PAK2: variants seen among roughly 807,000 people sequenced by gnomAD.
The protein encoded by PAK2 is serine/threonine-protein kinase PAK 2.
A neutral mutation model predicts 65.9 loss-of-function variants in PAK2; 21 were observed. That is an observed-to-expected ratio of 0.32 (90% confidence interval 0.23 to 0.46). The LOEUF is 0.46. Ranked by LOEUF, PAK2 falls within the 20% of genes least tolerant of loss-of-function variation. The pLI, the probability that PAK2 is intolerant of heterozygous loss-of-function variation, is 1.00. For synonymous variants in PAK2, 204 were observed against 219.7 expected (o/e 0.93, Z 0.63); for missense variants, 324 against 642.6 (o/e 0.50, Z 5.36).
intron 13 of PAK2, among the ~76,000 whole-genome samples, chr3:196,825,805 A>G (rs536228862): frequency 6.6e-6 from 1 of 152,262 alleles, no homozygotes; most frequent in East Asian, 1.9e-4. Context: ...TTATAGATCT[A>G]GGTAGTTATT....
intron 11 of PAK2, among the ~76,000 whole-genome samples, chr3:196,816,252 C>A (rs1241455419): frequency 3.3e-5 from 5 of 152,030 alleles, no homozygotes; most frequent in Admixed American, 3.3e-4. Flanking sequence ...TTTCCCTTTT[C>A]CATCTGTCAT....
At chr3:196,780,231 C>T (rs1025450590) in intron 1 of PAK2, among the ~76,000 whole-genome samples, 1 of 152,214 alleles carries the variant, frequency 6.6e-6, no homozygotes, top group African/African-American at 2.4e-5. Flanking sequence ...CTTTTTCACT[C>T]CCTTTTCCCA....
Position 196,810,492 on chromosome 3 carries a change from TTA to T in PAK2, c.710-95_710-94del. The T allele has an allele frequency of 8.1e-6, 6 of 736,284 alleles. 1 individual carries two copies. The South Asian group carries it at 9.3e-5, about 11-fold the overall frequency. The allele number at this position is 736,284 out of a possible 1,614,324, so 45.6% of individuals were successfully genotyped here. A position where few individuals can be genotyped will look rare whatever the true frequency, so the allele number is the denominator to read the frequency against. On this transcript the variant is annotated intron_variant, in intron 7 of 14. Transcript: ENST00000327134. ...ACTTAGTATTATGTTTGAAAATCACTTATAAAAACAGTGGAGTTCATTAAAAG... is the reference window on the plus strand; with the variant it reads ...ACTTAGTATTATGTTTGAAAATCACTTAAAAACAGTGGAGTTCATTAAAAG...
At position 196,773,868 on chromosome 3, in the gene PAK2, A is replaced by G. The variant is rs148011002; in HGVS notation, c.-21-8758A>G. On this transcript the variant is annotated intron_variant, in intron 1 of 14. Transcript: ENST00000327134. ...GCCTGGGCGACAGAATCTCAAAAAA[A>G]AGCAAAACAAAACAACAAATTCAAT... Among the ~76,000 whole-genome samples the G allele has an allele frequency of 3.1e-4, 47 of 151,218 alleles. 1 individual carries two copies. In the East Asian group the frequency reaches 6.8e-3, roughly 22 times the overall value.
chr3:196,765,230 C>T (rs571234284), intron 1 of PAK2, among the ~76,000 whole-genome samples: 15 of 145,444 alleles, frequency 1.0e-4, no homozygotes, highest in Non-Finnish European at 1.6e-4. Context: ...TCACTGCAAC[C>T]TTTGCCTCCC....
chr3:196,778,968 G>A (rs1305227954), intron 1 of PAK2, among the ~76,000 whole-genome samples: 2 of 152,162 alleles, frequency 1.3e-5, no homozygotes, highest in Non-Finnish European at 2.9e-5. Context: ...CTTGTCGCTG[G>A]TGATGTTAAC....
Position 196,820,625 on chromosome 3 carries a change from A to G in PAK2, c.1350+58A>G. 1.1e-6 allele frequency: 1 copy of G among 947,290 alleles called. No homozygotes were observed. The highest frequency in any genetic ancestry group is 1.6e-6 in the Non-Finnish European group (1 of 634,320). 58.7% of individuals were successfully genotyped at this position (947,290 alleles called of 1,614,324 possible). ...GTTTTTCTTTGAAACTCTTATTTAG[A>G]ACTTGCACGTGCCTGGCACTGTCCA... On this transcript the variant is annotated intron_variant, in intron 13 of 14. Coordinates refer to ENST00000327134, the MANE Select transcript of PAK2 (RefSeq NM_002577.4). This position sits in a 1 kb window ranked among gnomAD's most constrained non-coding sequence, Gnocchi z 4.6.
chr3:196,820,797 G>T lies in PAK2; in HGVS notation c.1350+230G>T, dbSNP rs928243464. 1.3e-5 allele frequency among the ~76,000 whole-genome samples: 2 copies of T among 152,106 alleles called. No homozygotes were observed. The highest frequency in any genetic ancestry group is 4.8e-5 in the African/African-American group (2 of 41,428). ...TAAGCTGTATTGTTTTGTATTTTAC[G>T]TAGGAAGTTTGGAGCACCTGTCTCT... On this transcript the variant is annotated intron_variant, in intron 13 of 14. Transcript: ENST00000327134. The surrounding 1 kb of genome is among the most constrained non-coding windows in gnomAD (Gnocchi z 4.6).
chr3:196,811,257 C>CTTCCT (rs1560113701), intron 8 of PAK2, among the ~76,000 whole-genome samples: 1 of 56,424 alleles, frequency 1.8e-5, no homozygotes, highest in Non-Finnish European at 3.7e-5. Context: ...CCTCCCCTCC[C>CTTCCT]TCCCTTCCTT....
At chr3:196,757,112 G>T (rs1374240020) in intron 1 of PAK2, among the ~76,000 whole-genome samples, 1 of 152,152 alleles carries the variant, frequency 6.6e-6, no homozygotes, top group Admixed American at 6.5e-5. Flanking sequence ...GAGACCAGGG[G>T]GTATGAGCCA....
In PAK2 at chr3:196,830,422, G is replaced by C. The variant is rs571339431; in HGVS notation, c.*2017G>C. On this transcript the variant is annotated 3_prime_UTR_variant, in exon 15 of 15. Coordinates refer to ENST00000327134, the MANE Select transcript of PAK2 (RefSeq NM_002577.4). ...ATTTTACCATTCTTTGTAAACAGTT[G>C]GATGGATTATGATAAAGAAGATGCT... The C allele has an allele frequency of 7.9e-5, 12 of 152,240 alleles. No homozygotes were observed. The highest frequency in any genetic ancestry group is 3.4e-3 in the Middle Eastern group (1 of 294). 9.4% of individuals were successfully genotyped at this position (152,240 alleles called of 1,614,324 possible).
intron 7 of PAK2, among the ~76,000 whole-genome samples, chr3:196,809,421 G>A (rs1715702116): frequency 8.0e-6 from 1 of 125,686 alleles, no homozygotes; most frequent in African/African-American, 3.0e-5. Context: ...GTGGCTCACT[G>A]CAATCTCTGC....
At chr3:196,747,846 T>A (rs1382011223) in intron 1 of PAK2, among the ~76,000 whole-genome samples, 2 of 152,142 alleles carry the variant, frequency 1.3e-5, no homozygotes, top group East Asian at 3.9e-4. Flanking sequence ...AGAGGTAGCA[T>A]TGTTTCTGAG....
intron 5 of PAK2, 45 bp downstream of exon 5, chr3:196,805,428 G>T (rs559263817): frequency 9.5e-5 from 89 of 935,082 alleles, no homozygotes; most frequent in Non-Finnish European, 1.2e-4. Context: ...TCTAATTTAG[G>T]TTACCCAAGA....
intron 3 of PAK2, among the ~76,000 whole-genome samples, 181 bp downstream of exon 3, chr3:196,802,208 G>A (rs926347380): frequency 1.3e-5 from 2 of 152,044 alleles, no homozygotes; most frequent in African/African-American, 4.8e-5. Context: ...AGACCAGTGT[G>A]GCCAACATGG....
chr3:196,749,746 C>T (rs1713506463), intron 1 of PAK2, among the ~76,000 whole-genome samples: 1 of 152,098 alleles, frequency 6.6e-6, no homozygotes, highest in Non-Finnish European at 1.5e-5. Context: ...GTTCCTGTTG[C>T]TTCACATCTT....
chr3:196,821,573 C>T (rs1234386114), intron 13 of PAK2, among the ~76,000 whole-genome samples: 2 of 150,522 alleles, frequency 1.3e-5, no homozygotes, highest in African/African-American at 2.4e-5. Flanking sequence ...ATCCCAGCTA[C>T]GTGGGAGGCT....
At chr3:196,772,410 G>A (rs1330950744) in intron 1 of PAK2, among the ~76,000 whole-genome samples, 1 of 152,112 alleles carries the variant, frequency 6.6e-6, no homozygotes, top group African/African-American at 2.4e-5. Flanking sequence ...TGGGCTCTAT[G>A]GAATCATCCC....
At chr3:196,766,169 A>G (rs952213862) in intron 1 of PAK2, among the ~76,000 whole-genome samples, 5 of 152,108 alleles carry the variant, frequency 3.3e-5, no homozygotes, top group African/African-American at 1.2e-4. Flanking sequence ...TGCTGGGATT[A>G]CAGACATGAG....
Sources: allele counts gnomAD v4.1 joint callset (sites outside exome capture counted in the v4.1 genomes callset), GRCh38; gene constraint gnomAD v4.1.1; non-coding constraint Gnocchi (gnomAD v3.1); transcripts MANE v1.5; gene names NCBI Gene and HGNC (gene_info 2026-07-23, HGNC 2026-07-21).